Variants in HS6ST3 observed in about 807,000 individuals in gnomAD.
The protein encoded by HS6ST3 is heparan sulfate 6-O-sulfotransferase 3.
In HS6ST3, 12 loss-of-function variants were observed where a neutral mutation model predicts 36.7. That is an observed-to-expected ratio of 0.33 (90% CI 0.21 to 0.53). The LOEUF (loss-of-function observed/expected upper bound fraction) is 0.53. HS6ST3 is among the 20% of genes least tolerant of loss of function. The pLI, the probability that HS6ST3 is intolerant of heterozygous loss-of-function variation, is 0.95. For synonymous variants in HS6ST3, 240 were observed against 257.5 expected (o/e 0.93, Z 0.65); for missense variants, 584 against 640.9 (o/e 0.91, Z 0.96).
chr13:96,489,541 A>G (rs1172713279), intron 1 of HS6ST3, among the ~76,000 whole-genome samples: 3 of 152,158 alleles, frequency 2.0e-5, no homozygotes, highest in Non-Finnish European at 2.9e-5. Flanking sequence ...TTTATTTCCA[A>G]TATTTTTTCA....
At chr13:96,814,481 G>A (rs1036716339) in intron 1 of HS6ST3, among the ~76,000 whole-genome samples, 5 of 151,898 alleles carry the variant, frequency 3.3e-5, no homozygotes, top group African/African-American at 1.2e-4. Flanking sequence ...CTTTATCTTT[G>A]GGGTTTTAAC....
chr13:96,784,540 A>G (rs972577540), intron 1 of HS6ST3, among the ~76,000 whole-genome samples: 2 of 152,164 alleles, frequency 1.3e-5, no homozygotes, highest in Admixed American at 1.3e-4. Flanking sequence ...AGCAGATAAA[A>G]TGAGTTGGAT....
chr13:96,138,387 GTTTACAGTTTATAAATATATA>G (rs11274254), intron 1 of HS6ST3, among the ~76,000 whole-genome samples: 64,664 of 145,208 alleles, frequency 0.45, 14,978 homozygotes, highest in African/African-American at 0.54. Context: ...AAATATATAT[GTTTACAGTTTATAAATATATA>G]TTTACAGTTT....
chr13:96,642,098 G>C (rs77711562), intron 1 of HS6ST3, among the ~76,000 whole-genome samples: 2 of 151,674 alleles, frequency 1.3e-5, no homozygotes, highest in Non-Finnish European at 1.5e-5. Context: ...AGTTTTGAAG[G>C]GGGGAGGGAT....
intron 1 of HS6ST3, among the ~76,000 whole-genome samples, chr13:96,163,943 T>A (rs1025451293): frequency 2.6e-5 from 4 of 152,206 alleles, no homozygotes; most frequent in African/African-American, 7.2e-5. Flanking sequence ...AAACATTTTA[T>A]AGTCTTGTTG....
At chr13:96,581,386 A>AT (rs1164836085) in intron 1 of HS6ST3, among the ~76,000 whole-genome samples, 4 of 151,904 alleles carry the variant, frequency 2.6e-5, no homozygotes, top group Admixed American at 2.0e-4. Flanking sequence ...TGCCTGGCTA[A>AT]TTTTTTGTAT....
chr13:96,512,897 G>C (rs1175067475), intron 1 of HS6ST3, among the ~76,000 whole-genome samples: 1 of 148,752 alleles, frequency 6.7e-6, no homozygotes, highest in Non-Finnish European at 1.5e-5. Flanking sequence ...TGTTGTTGTT[G>C]TTTCTTATAG....
intron 1 of HS6ST3, among the ~76,000 whole-genome samples, chr13:96,388,729 T>C (rs1322627708): frequency 6.6e-6 from 1 of 151,984 alleles, no homozygotes; most frequent in East Asian, 1.9e-4. Context: ...ATCATGGGGG[T>C]GGTTTCCCCT....
chr13:96,245,381 G>A (rs1048721995), intron 1 of HS6ST3, among the ~76,000 whole-genome samples: 2 of 152,196 alleles, frequency 1.3e-5, no homozygotes, highest in African/African-American at 4.8e-5. Context: ...TTCAATGGAT[G>A]TAACTTAATT....
chr13:96,334,810 G>T lies in HS6ST3; in HGVS notation c.707+243241G>T, dbSNP rs150193431. Among the ~76,000 whole-genome samples the T allele has an allele frequency of 2.7e-3, 412 of 152,306 alleles. 4 individuals are homozygous for T. Among genetic ancestry groups the T allele is most frequent in the African/African-American group, 9.5e-3 (394 of 41,556 alleles). ...TTATGGGAGCTACAATTCAAGATGAGACTTGGGTGGAGACACAGCCAAACC... is the reference window on the plus strand; with the variant it reads ...TTATGGGAGCTACAATTCAAGATGATACTTGGGTGGAGACACAGCCAAACC... On this transcript the variant is annotated intron_variant, in intron 1 of 1. Transcript: ENST00000376705.
At chr13:96,516,435 T>A (rs2138923825) in intron 1 of HS6ST3, among the ~76,000 whole-genome samples, 1 of 152,272 alleles carries the variant, frequency 6.6e-6, no homozygotes, top group South Asian at 2.1e-4. Flanking sequence ...TATTCACACA[T>A]ATATTGAGTA....
intron 1 of HS6ST3, among the ~76,000 whole-genome samples, chr13:96,543,746 G>A (rs1012028742): frequency 3.9e-5 from 6 of 152,092 alleles, no homozygotes; most frequent in Admixed American, 2.0e-4. Flanking sequence ...GGCTGATTGT[G>A]CTTCAGTTAC....
At chr13:96,355,160 G>C (rs1417842975) in intron 1 of HS6ST3, among the ~76,000 whole-genome samples, 1 of 152,074 alleles carries the variant, frequency 6.6e-6, no homozygotes, top group Non-Finnish European at 1.5e-5. Flanking sequence ...TTGCTTTGAA[G>C]AATCTGGGCA....
chr13:96,739,687 T>C (rs1293117534), intron 1 of HS6ST3, among the ~76,000 whole-genome samples: 1 of 152,162 alleles, frequency 6.6e-6, no homozygotes, highest in Admixed American at 6.6e-5. Context: ...CTTTTGACCA[T>C]ATAATTGCAA....
At chr13:96,448,883 GAGCATATATTTT>G in intron 1 of HS6ST3, among the ~76,000 whole-genome samples, 1 of 152,124 alleles carries the variant, frequency 6.6e-6, no homozygotes, top group South Asian at 2.1e-4. Context: ...GCCACAGAAT[GAGCATATATTTT>G]TGGATGGGGC....
chr13:96,116,170 G>C (rs542429391), intron 1 of HS6ST3, among the ~76,000 whole-genome samples: 2 of 152,160 alleles, frequency 1.3e-5, no homozygotes, highest in Non-Finnish European at 2.9e-5. Flanking sequence ...CCGGGAACTC[G>C]GCCGCAGGAA....
intron 1 of HS6ST3, among the ~76,000 whole-genome samples, chr13:96,504,801 G>A (rs2056019745): frequency 6.6e-6 from 1 of 152,124 alleles, no homozygotes; most frequent in African/African-American, 2.4e-5. Context: ...ACATTCACTT[G>A]TGATAGGATG....
At chr13:96,606,559 C>A (rs2056439274) in intron 1 of HS6ST3, among the ~76,000 whole-genome samples, 1 of 139,844 alleles carries the variant, frequency 7.2e-6, no homozygotes, top group Non-Finnish European at 1.5e-5. Context: ...GCAATAGATA[C>A]TAGAGACTGC....
intron 1 of HS6ST3, among the ~76,000 whole-genome samples, chr13:96,807,172 G>A (rs1457705707): frequency 6.6e-6 from 1 of 152,180 alleles, no homozygotes; most frequent in Non-Finnish European, 1.5e-5. Flanking sequence ...CTGTGCAAAT[G>A]CCCAGAAAGA....
Sources: gnomAD v4.1 joint callset for allele counts (sites outside exome capture counted in the v4.1 genomes callset) on GRCh38, gnomAD v4.1.1 for gene constraint, MANE v1.5 for transcripts, NCBI Gene and HGNC (gene_info 2026-07-23, HGNC 2026-07-21) for gene names.